The following PCDHGA1 variants were observed in gnomAD, a reference collection of about 807,000 sequenced individuals.
PCDHGA1 encodes protocadherin gamma-A1.
PCDHGA1 carries 32 observed loss-of-function variants against 58.0 expected under a neutral mutation model. The observed-to-expected ratio is 0.55, with a 90% confidence interval of 0.42 to 0.74. The LOEUF is 0.74. PCDHGA1 is among the 30% of genes least tolerant of loss of function. The pLI, the probability that PCDHGA1 is intolerant of heterozygous loss-of-function variation, is 0.00. For synonymous variants in PCDHGA1, 498 were observed against 501.1 expected (o/e 0.99, Z 0.08); for missense variants, 1,205 against 1,182.3 (o/e 1.02, Z -0.28).
At chr5:141,388,590 A>G in intron 1 of PCDHGA1, 9 of 1,613,920 alleles carry the variant, frequency 5.6e-6, no homozygotes, top group Non-Finnish European at 7.6e-6. Flanking sequence ...GACTGATGCC[A>G]ATGATAATGC....
In PCDHGA1 at chr5:141,500,938, G is replaced by A. The variant is rs1317178701; in HGVS notation, c.2481-4455G>A. On this transcript the variant is annotated intron_variant, in intron 2 of 3. Transcript: ENST00000517417. Reference sequence around the variant, plus strand: ...GGCTGGGGTGCAGTGGCGCCATCTCGGCTCACTGCAAGCTCCACCTCCTGG... The same window carrying A: ...GGCTGGGGTGCAGTGGCGCCATCTCAGCTCACTGCAAGCTCCACCTCCTGG... 2.6e-5 allele frequency among the ~76,000 whole-genome samples: 4 copies of A among 151,060 alleles called. No homozygotes were observed. The East Asian group carries it at 5.8e-4, about 22-fold the overall frequency.
intron 1 of PCDHGA1, chr5:141,350,233 G>T: frequency 6.7e-7 from 1 of 1,502,698 alleles, no homozygotes; most frequent in Non-Finnish European, 8.9e-7. Context: ...CATCCCAGAG[G>T]AAAGAAGCTC....
chr5:141,454,356 T>G (rs1461475653), intron 1 of PCDHGA1, among the ~76,000 whole-genome samples: 1 of 152,224 alleles, frequency 6.6e-6, no homozygotes, highest in East Asian at 1.9e-4. Context: ...TGATCCAAAC[T>G]TAGAAAGGAG....
intron 1 of PCDHGA1, chr5:141,441,209 G>A (rs1276958461): frequency 1.3e-5 from 2 of 152,158 alleles, no homozygotes; most frequent in East Asian, 3.9e-4. Flanking sequence ...TCTGCACCTT[G>A]GACAGTAATC....
chr5:141,397,639 G>A (rs1391771739), intron 1 of PCDHGA1, among the ~76,000 whole-genome samples: 2 of 152,180 alleles, frequency 1.3e-5, no homozygotes, highest in Non-Finnish European at 2.9e-5. Context: ...AGAGTTCAAG[G>A]TATGTTTGCA....
At chr5:141,371,048 C>A in intron 1 of PCDHGA1, 2 of 1,613,890 alleles carry the variant, frequency 1.2e-6, no homozygotes, top group Non-Finnish European at 1.7e-6. Flanking sequence ...TGGATGGGGG[C>A]GAGCCCTCCA....
chr5:141,433,328 G>A (rs965877578), intron 1 of PCDHGA1: 3 of 724,464 alleles, frequency 4.1e-6, no homozygotes, highest in African/African-American at 3.6e-5. Context: ...GGTGTAACAG[G>A]GACTACAGGT....
chr5:141,409,129 T>G (rs781711972), intron 1 of PCDHGA1: 5 of 1,613,856 alleles, frequency 3.1e-6, no homozygotes, highest in Non-Finnish European at 4.2e-6. Flanking sequence ...CATTTGATTT[T>G]GAAGATGTAG....
At chr5:141,405,377 G>T (rs763495028) in intron 1 of PCDHGA1, 29 of 1,603,350 alleles carry the variant, frequency 1.8e-5, no homozygotes, top group Admixed American at 3.5e-5. Flanking sequence ...TTTGGTTCCG[G>T]TGAGTTCATT....
At chr5:141,351,039 G>C in intron 1 of PCDHGA1, 1 of 1,614,076 alleles carries the variant, frequency 6.2e-7, no homozygotes, top group Non-Finnish European at 8.5e-7. Context: ...TCCGTGCTGC[G>C]GGTGATGGCC....
chr5:141,423,755 G>GC (rs542747697), intron 1 of PCDHGA1: 5,773 of 512,484 alleles, frequency 0.011, 63 homozygotes, highest in Non-Finnish European at 0.014. Context: ...CTGTTTGGGG[G>GC]GGGGGTGGGG....
chr5:141,338,769 A>G (rs760986134), intron 1 of PCDHGA1: 41 of 1,278,456 alleles, frequency 3.2e-5, no homozygotes, highest in Non-Finnish European at 3.9e-5. Flanking sequence ...CAATCCAGCA[A>G]TACGGCTCCC....
At chr5:141,352,444 C>G (rs562202552) in intron 1 of PCDHGA1, 1 of 1,614,062 alleles carries the variant, frequency 6.2e-7, no homozygotes, top group South Asian at 1.1e-5. Flanking sequence ...CCGGTCTCTG[C>G]TCCAAGTCTG....
rs759737266 is a variant in PCDHGA1 at position 141,489,464 on chromosome 5, T to A, written c.2422-5343T>A. 5 of 1,614,030 alleles carry A rather than the reference T, an allele frequency of 3.1e-6. No homozygotes were observed. In the South Asian group the frequency reaches 3.3e-5, roughly 11 times the overall value. On this transcript the variant is annotated intron_variant, in intron 1 of 3. Transcript: ENST00000517417. The surrounding 1 kb of genome is among the most constrained non-coding windows in gnomAD (Gnocchi z 4.5). ...GGCTCTGAGGAGAATGGGCGCTATT[T>A]TTCCCTGAGCTTGATGAGTGGTGCC...
At chr5:141,394,852 C>T in intron 1 of PCDHGA1, 1 of 1,613,838 alleles carries the variant, frequency 6.2e-7, no homozygotes, top group Non-Finnish European at 8.5e-7. Flanking sequence ...AGTCTGAAGC[C>T]TTCGGTCGAC....
intron 1 of PCDHGA1, among the ~76,000 whole-genome samples, chr5:141,353,876 T>C (rs1308614593): frequency 1.3e-5 from 2 of 152,224 alleles, no homozygotes; most frequent in African/African-American, 4.8e-5. Context: ...TCTCTCAAAG[T>C]CTGAGGGTTT....
At chr5:141,342,818 A>G (rs1258513753) in intron 1 of PCDHGA1, 1 of 152,198 alleles carries the variant, frequency 6.6e-6, no homozygotes, top group African/African-American at 2.4e-5. Context: ...GGGGAAAGAG[A>G]TTCTGGAACA....
chr5:141,477,295 G>A lies in PCDHGA1; in HGVS notation c.2422-17512G>A, dbSNP rs1207558247. On this transcript the variant is annotated intron_variant, in intron 1 of 3. Transcript: ENST00000517417. This position sits in a 1 kb window ranked among gnomAD's most constrained non-coding sequence, Gnocchi z 4.9. ...GGCTGGTGACCTGCGAAGTTCCACC[G>A]GGTCTCCCTTTCAGCCTTACTTCTT... is the stretch of plus-strand genomic sequence containing the variant. The A allele has an allele frequency of 8.1e-6, 13 of 1,613,990 alleles. No homozygotes were observed. Among genetic ancestry groups the A allele is most frequent in the Admixed American group, 3.3e-5 (2 of 59,990 alleles).
chr5:141,340,572 C>G (rs754851906), intron 1 of PCDHGA1: 1 of 1,614,234 alleles, frequency 6.2e-7, no homozygotes, highest in Non-Finnish European at 8.5e-7. Flanking sequence ...TGGGTGATAG[C>G]GCGGGACAGC....
Sources: gnomAD v4.1 joint callset for allele counts (sites outside exome capture counted in the v4.1 genomes callset) on GRCh38, gnomAD v4.1.1 for gene constraint, Gnocchi (gnomAD v3.1) non-coding constraint, MANE v1.5 for transcripts, NCBI Gene and HGNC (gene_info 2026-07-23, HGNC 2026-07-21) for gene names.